Variants in ARHGEF10L observed in about 807,000 individuals in gnomAD.
ARHGEF10L encodes Rho guanine nucleotide exchange factor 10 like.
Under a neutral mutation model 141.2 loss-of-function variants are expected in ARHGEF10L, and 69 were observed. The observed-to-expected ratio is 0.49, with a 90% CI of 0.40 to 0.60. The LOEUF is 0.60. Ranked by LOEUF, ARHGEF10L falls within the 20% of genes least tolerant of loss-of-function variation. The probability of loss-of-function intolerance (pLI) is 0.00; values close to 1 mark genes in which losing one functional copy is unlikely to be tolerated. For missense variants in ARHGEF10L, 1,482 were observed against 1,734.3 expected (o/e 0.85, Z 2.58); for synonymous variants, 711 against 718.5 (o/e 0.99, Z 0.17).
chr1:17,642,602 A>G (rs1173215306), intron 21 of ARHGEF10L, among the ~76,000 whole-genome samples: 1 of 152,122 alleles, frequency 6.6e-6, no homozygotes, highest in East Asian at 1.9e-4. Flanking sequence ...CTGTGGAGGA[A>G]CCTGGACCAG....
chr1:17,582,510 C>T (rs1331253604), intron 2 of ARHGEF10L, among the ~76,000 whole-genome samples: 2 of 152,240 alleles, frequency 1.3e-5, no homozygotes, highest in African/African-American at 4.8e-5. Context: ...CCCCACGCAC[C>T]TTGTCAACTG....
chr1:17,627,371 G>T lies in ARHGEF10L; in HGVS notation c.1452G>T (p.Leu484=), dbSNP rs370122355. The T allele has an allele frequency of 3.1e-6, 5 of 1,613,988 alleles. No homozygotes were observed. The highest frequency in any genetic ancestry group is 1.3e-5 in the African/African-American group (1 of 74,934). The change falls in exon 15 of 29, where the codon CTG becomes CTT. Residue 484 remains leucine, a synonymous_variant. Transcript: ENST00000361221. The surrounding 1 kb of genome is among the most constrained non-coding windows in gnomAD (Gnocchi z 4.0). ...CCCCCAGGGGCCATCCGGACAGGCT[G>T]TCGCTGCAGCTGGCCCTCACAGAGC... The part of the protein sequence containing the change: ...KNTPRGHPDR[L]SLQLALTELE...
intron 4 of ARHGEF10L, among the ~76,000 whole-genome samples, chr1:17,595,201 A>G (rs1008364011): frequency 1.4e-5 from 2 of 140,626 alleles, no homozygotes; most frequent in Admixed American, 1.4e-4. Context: ...TTTATTGCAC[A>G]TGCTGTTTCG....
intron 16 of ARHGEF10L, 122 bp from the exon 17 acceptor site, chr1:17,634,426 G>T: frequency 2.6e-6 from 4 of 1,522,308 alleles, no homozygotes; most frequent in South Asian, 1.1e-5. Context: ...CCCGCAGGAG[G>T]CTGTCTCTCC....
chr1:17,655,898 G>A lies in ARHGEF10L; in HGVS notation c.2501G>A (p.Gly834Asp), dbSNP rs1288389137. 1 of 1,555,126 alleles carries A rather than the reference G, an allele frequency of 6.4e-7. No homozygotes were observed. The highest frequency in any genetic ancestry group is 1.2e-5 in the South Asian group (1 of 84,444). The change falls in exon 24 of 29, where the codon GGC becomes GAC. Residue 834 changes from glycine (G) to aspartate (D), a missense_variant. Transcript: ENST00000361221. ...TCCCAGGTCGGGGGCGGACAGGAAG[G>A]CGCAGGGGGCCAGGTGGAAATCTTT... ...GYLWVGGGQE[G>D]AGGQVEIFSL...
chr1:17,521,920 G>A, the ARHGEF10L span, among the ~76,000 whole-genome samples: 1 of 152,084 alleles, frequency 6.6e-6, no homozygotes, highest in Non-Finnish European at 1.5e-5. Context: ...CACTATCCAA[G>A]TTCTTCTCCC....
rs202028474 is a variant in ARHGEF10L at position 17,601,055 on chromosome 1, A to AC, written c.258-1072_258-1071insC. On this transcript the variant is annotated intron_variant, in intron 4 of 28. Transcript: ENST00000361221. ...ACAGAGCGAGGCTCTGTCTCAAAAAAAAAAAAAAAAAAACAAAAAACAAAA... is the reference window on the plus strand; with the variant it reads ...ACAGAGCGAGGCTCTGTCTCAAAAAACAAAAAAAAAAAAACAAAAAACAAAA... Among the ~76,000 whole-genome samples, 520 of 148,234 alleles carry AC rather than the reference A, an allele frequency of 3.5e-3. 8 individuals are homozygous for AC. Among genetic ancestry groups the AC allele is most frequent in the South Asian group, 0.021 (100 of 4,728 alleles).
intron 1 of ARHGEF10L, among the ~76,000 whole-genome samples, chr1:17,571,157 G>A (rs1026414866): frequency 6.6e-6 from 1 of 152,128 alleles, no homozygotes; most frequent in African/African-American, 2.4e-5. Flanking sequence ...GAGGAGCCGC[G>A]GTGTAGCCTG....
chr1:17,600,668 C>T (rs868541966), intron 4 of ARHGEF10L, among the ~76,000 whole-genome samples: 2 of 152,298 alleles, frequency 1.3e-5, no homozygotes, highest in Middle Eastern at 3.4e-3. Context: ...TGGGATCCCA[C>T]GTTGCGCTTA....
intron 7 of ARHGEF10L, 61 bp downstream of exon 7, chr1:17,608,038 A>G: frequency 3.8e-6 from 1 of 265,130 alleles, no homozygotes; most frequent in Non-Finnish European, 7.9e-6. Context: ...TCAGGGAGGG[A>G]GGGAGGGAGG....
At chr1:17,692,992 G>A (rs1421991173) in intron 27 of ARHGEF10L, among the ~76,000 whole-genome samples, 2 of 152,164 alleles carry the variant, frequency 1.3e-5, no homozygotes, top group African/African-American at 4.8e-5. Flanking sequence ...ATCCTTCCAG[G>A]AAGTAGAGGG....
intron 1 of ARHGEF10L, among the ~76,000 whole-genome samples, chr1:17,548,761 G>T (rs2077006742): frequency 6.9e-6 from 1 of 144,868 alleles, no homozygotes; most frequent in Non-Finnish European, 1.5e-5. Context: ...CAATTCTCCA[G>T]CCTCAGCCTC....
intron 22 of ARHGEF10L, among the ~76,000 whole-genome samples, chr1:17,649,079 C>T (rs960961201): frequency 1.3e-5 from 2 of 152,222 alleles, no homozygotes; most frequent in African/African-American, 4.8e-5. Flanking sequence ...CCAGCGCCAT[C>T]AGGCCTCCCG....
At chr1:17,520,039 C>A in the ARHGEF10L span, among the ~76,000 whole-genome samples, 1 of 152,198 alleles carries the variant, frequency 6.6e-6, no homozygotes, top group Non-Finnish European at 1.5e-5. Flanking sequence ...TGTGTGCCTT[C>A]CCAGGCCAGC....
chr1:17,590,642 T>C (rs547864902), intron 4 of ARHGEF10L, among the ~76,000 whole-genome samples: 2 of 152,132 alleles, frequency 1.3e-5, no homozygotes, highest in South Asian at 4.2e-4. Flanking sequence ...GAACGAATGA[T>C]GGACAGAAGG....
rs568905707 is a variant in ARHGEF10L at position 17,575,323 on chromosome 1, A to G, written c.-43-5230A>G. 3.9e-5 allele frequency among the ~76,000 whole-genome samples: 6 copies of G among 152,378 alleles called. No homozygotes were observed. The East Asian group carries it at 1.2e-3, about 29-fold the overall frequency. On this transcript the variant is annotated intron_variant, in intron 1 of 28. Transcript: ENST00000361221. ...GAATCTCTGGGTGTGGGCCTGGGAC[A>G]TAAATATTTTTAAAAAGCTTCACAA... is the stretch of plus-strand genomic sequence containing the variant.
Position 17,587,523 on chromosome 1 carries a change from C to T in ARHGEF10L, c.101C>T (p.Ala34Val), listed in dbSNP as rs116713222. ...GAGGCAGAGGACGACCCAGGAGAGG[C>T]GTTTGAGTTTGATGACAGTGATGAT... ...SSEAEDDPGE[A>V]FEFDDSDDEE... Residue 34 changes from alanine to valine, a missense_variant, in exon 3 of 29, where the codon GCG becomes GTG. Physicochemically the swap from Ala to Val is moderately conservative, Grantham distance 64. Coordinates refer to ENST00000361221, the MANE Select transcript of ARHGEF10L (RefSeq NM_018125.4). 3.2e-5 allele frequency: 51 copies of T among 1,614,204 alleles called. 1 individual carries two copies. In the South Asian group the frequency reaches 3.5e-4, roughly 11 times the overall value.
the ARHGEF10L span, among the ~76,000 whole-genome samples, chr1:17,524,235 G>A: frequency 6.6e-6 from 1 of 152,016 alleles, no homozygotes; most frequent in Admixed American, 6.6e-5. Flanking sequence ...ATTGCAGTGA[G>A]CTGAGATTGC....
chr1:17,591,303 T>C (rs1050700338), intron 4 of ARHGEF10L, among the ~76,000 whole-genome samples: 2 of 151,828 alleles, frequency 1.3e-5, no homozygotes, highest in African/African-American at 4.8e-5. Flanking sequence ...AGTGCAGTGG[T>C]GTGATCATGG....
Sources: allele counts gnomAD v4.1 joint callset (sites outside exome capture counted in the v4.1 genomes callset), GRCh38; gene constraint gnomAD v4.1.1; non-coding constraint Gnocchi (gnomAD v3.1); transcripts MANE v1.5; gene names NCBI Gene and HGNC (gene_info 2026-07-23, HGNC 2026-07-21).